Variants in FOXN3 observed in about 807,000 individuals in gnomAD.
FOXN3 encodes the protein forkhead box N3, also known as forkhead box protein N3.
Under a neutral mutation model 38.4 loss-of-function variants are expected in FOXN3, and 7 were observed. The ratio of observed to expected loss-of-function variants is 0.18; its 90% confidence interval spans 0.10 to 0.34. The LOEUF (loss-of-function observed/expected upper bound fraction) is 0.34, where lower values mean the gene tolerates loss of function less well. Ranked by LOEUF, FOXN3 falls within the 10% of genes least tolerant of loss-of-function variation. The probability of loss-of-function intolerance (pLI) is 1.00; values close to 1 mark genes in which losing one functional copy is unlikely to be tolerated. For missense variants in FOXN3, 456 were observed against 613.4 expected (o/e 0.74, Z 2.71); for synonymous variants, 230 against 242.2 (o/e 0.95, Z 0.47).
intron 3 of FOXN3, among the ~76,000 whole-genome samples, chr14:89,301,794 A>T (rs965731862): frequency 3.3e-5 from 5 of 152,050 alleles, no homozygotes; most frequent in African/African-American, 1.2e-4. Context: ...TCCAAAAAGT[A>T]ATCTCTTCTG....
intron 3 of FOXN3, chr14:89,290,470 G>A (rs926509379): frequency 1.6e-5 from 7 of 441,536 alleles, no homozygotes; most frequent in Admixed American, 8.4e-5. Context: ...TCAAAGACCA[G>A]ACCAAACTTC....
chr14:89,275,883 G>T (rs1459955004), intron 4 of FOXN3, among the ~76,000 whole-genome samples: 1 of 152,196 alleles, frequency 6.6e-6, no homozygotes, highest in Non-Finnish European at 1.5e-5. Context: ...AGCTGTGGGG[G>T]TGGGTAGGTG....
chr14:89,396,335 G>A (rs1452267956), intron 2 of FOXN3, among the ~76,000 whole-genome samples: 3 of 152,238 alleles, frequency 2.0e-5, no homozygotes, highest in African/African-American at 7.2e-5. Context: ...CACTGATGCA[G>A]AGAAAAGAGC....
chr14:89,341,947 A>G (rs1158105815), intron 3 of FOXN3, among the ~76,000 whole-genome samples: 1 of 152,190 alleles, frequency 6.6e-6, no homozygotes, highest in Non-Finnish European at 1.5e-5. Context: ...CTCACCAAGC[A>G]AATCTGCAAA....
At chr14:89,255,914 G>A (rs982841384) in intron 4 of FOXN3, among the ~76,000 whole-genome samples, 1 of 152,122 alleles carries the variant, frequency 6.6e-6, no homozygotes, top group Non-Finnish European at 1.5e-5. Flanking sequence ...AGCCTCCAGT[G>A]GCTCTCACAC....
At chr14:89,283,097 G>A (rs901611097) in intron 3 of FOXN3, among the ~76,000 whole-genome samples, 1 of 152,140 alleles carries the variant, frequency 6.6e-6, no homozygotes, top group Non-Finnish European at 1.5e-5. Context: ...CTCAGGGTAA[G>A]TCAGCTCCTG....
At chr14:89,543,904 G>T (rs894786333) in intron 1 of FOXN3, among the ~76,000 whole-genome samples, 3 of 152,018 alleles carry the variant, frequency 2.0e-5, no homozygotes, top group African/African-American at 7.3e-5. Context: ...CAAAACCAAT[G>T]GGGGTGGGGG....
At chr14:89,576,891 CTCCATCCG>C (rs1895637375) in intron 1 of FOXN3, 1 of 152,206 alleles carries the variant, frequency 6.6e-6, no homozygotes, top group Non-Finnish European at 1.5e-5. Context: ...CAGTGGCTGC[CTCCATCCG>C]TATGCTGATA....
chr14:89,449,548 A>C (rs1892574284), intron 1 of FOXN3, among the ~76,000 whole-genome samples: 1 of 152,256 alleles, frequency 6.6e-6, no homozygotes, highest in Admixed American at 6.5e-5. Flanking sequence ...TAAACACAGA[A>C]GTTCTGAAGT....
chr14:89,531,273 A>G (rs959260067), intron 1 of FOXN3, among the ~76,000 whole-genome samples: 16 of 152,066 alleles, frequency 1.1e-4, no homozygotes, highest in African/African-American at 3.6e-4. Flanking sequence ...CAAATCTCTC[A>G]GGTCTGCAGG....
intron 1 of FOXN3, among the ~76,000 whole-genome samples, chr14:89,506,790 A>C (rs1893949661): frequency 6.6e-6 from 1 of 152,216 alleles, no homozygotes; most frequent in African/African-American, 2.4e-5. Context: ...AAGAAAAATT[A>C]TTCTGCCTTA....
chr14:89,470,131 T>A (rs1311875571), intron 1 of FOXN3, among the ~76,000 whole-genome samples: 1 of 152,222 alleles, frequency 6.6e-6, no homozygotes, highest in African/African-American at 2.4e-5. Context: ...CTAAACTAGA[T>A]GTTCAGCAAA....
At chr14:89,278,911 T>C (rs1260059882) in intron 4 of FOXN3, among the ~76,000 whole-genome samples, 3 of 152,186 alleles carry the variant, frequency 2.0e-5, no homozygotes, top group African/African-American at 7.2e-5. Flanking sequence ...GGACAGTCCC[T>C]TCTTTAGGTA....
chr14:89,419,125 C>G (rs536315504), upstream of FOXN3: 52 of 456,046 alleles, frequency 1.1e-4, 1 homozygote, highest in African/African-American at 1.0e-3. Flanking sequence ...CTTGCATTCT[C>G]AAACATATTT....
intron 1 of FOXN3, among the ~76,000 whole-genome samples, chr14:89,485,004 TAGCC>T (rs1893415748): frequency 6.6e-6 from 1 of 151,736 alleles, no homozygotes; most frequent in Non-Finnish European, 1.5e-5. Context: ...ATACAAAAAT[TAGCC>T]GGGCGTGGTG....
intron 3 of FOXN3, among the ~76,000 whole-genome samples, chr14:89,347,936 G>A (rs960564250): frequency 6.8e-6 from 1 of 147,452 alleles, no homozygotes; most frequent in Non-Finnish European, 1.5e-5. Flanking sequence ...CCTGGAGAGA[G>A]AGCAAGACTC....
rs571898798 is a variant in FOXN3, at chr14:89,162,924, A to G, written c.897T>C (p.Ser299=). The stretch of plus-strand genomic sequence containing the variant: ...CTCCGCTGACCACTGGGGAGCCACA[A>G]GATGGCTCACTCTCAGTCCGCATCC... ...SCRMRTESEP[S]CGSPVVSGDP... Residue 299 remains serine, a synonymous_variant, in exon 6 of 6, where the codon TCT becomes TCC. Transcript: ENST00000557258. The surrounding 1 kb of genome is among the most constrained non-coding windows in gnomAD (Gnocchi z 7.2). 3.1e-6 allele frequency: 5 copies of G among 1,589,368 alleles called. No individual in the cohort carries two copies. The Admixed American group carries it at 5.1e-5, about 16-fold the overall frequency.
At chr14:89,453,019 T>C (rs1025610841) in intron 1 of FOXN3, among the ~76,000 whole-genome samples, 1 of 151,490 alleles carries the variant, frequency 6.6e-6, no homozygotes, top group Non-Finnish European at 1.5e-5. Context: ...GCCAATGTGG[T>C]GAAACTCCGT....
chr14:89,203,451 C>T (rs1888285663), intron 4 of FOXN3, among the ~76,000 whole-genome samples: 1 of 152,216 alleles, frequency 6.6e-6, no homozygotes, highest in Non-Finnish European at 1.5e-5. Flanking sequence ...CAGCAAGCCT[C>T]ATAGTGCCCT....
Sources: gnomAD v4.1 joint callset for allele counts (sites outside exome capture counted in the v4.1 genomes callset) on GRCh38, gnomAD v4.1.1 for gene constraint, Gnocchi (gnomAD v3.1) non-coding constraint, MANE v1.5 for transcripts, NCBI Gene and HGNC (gene_info 2026-07-23, HGNC 2026-07-21) for gene names.